Variants in CSMD1 observed in about 807,000 individuals in gnomAD.
CSMD1 encodes the protein CUB and Sushi multiple domains 1, also known as CUB and sushi domain-containing protein 1.
Under a neutral mutation model 417.5 loss-of-function variants are expected in CSMD1, and 213 were observed. That is an observed-to-expected ratio of 0.51 (90% CI 0.46 to 0.57). CSMD1 has a LOEUF of 0.57. CSMD1 is among the 20% of genes least tolerant of loss of function. The pLI, the probability that CSMD1 is intolerant of heterozygous loss-of-function variation, is 0.00. For missense variants in CSMD1, 6,923 were observed against 4,529.7 expected (o/e 1.53, Z -15.17); for synonymous variants, 2,862 against 1,736.8 (o/e 1.65, Z -16.11).
intron 10 of CSMD1, among the ~76,000 whole-genome samples, chr8:3,566,788 G>C (rs1269132402): frequency 2.0e-5 from 3 of 152,302 alleles, no homozygotes; most frequent in Middle Eastern, 3.4e-3. Context: ...ACAGATGCTG[G>C]TGAGGTTGTG....
intron 1 of CSMD1, among the ~76,000 whole-genome samples, chr8:4,731,723 G>A (rs1809883812): frequency 6.6e-6 from 1 of 152,132 alleles, no homozygotes; most frequent in Non-Finnish European, 1.5e-5. Context: ...CGAGGACCCA[G>A]GAACAGCAGC....
chr8:3,731,993 G>A (rs1796293102), intron 6 of CSMD1, among the ~76,000 whole-genome samples: 1 of 152,134 alleles, frequency 6.6e-6, no homozygotes, highest in East Asian at 1.9e-4. Flanking sequence ...TTAAAGAACA[G>A]CAGCAACATT....
intron 1 of CSMD1, among the ~76,000 whole-genome samples, chr8:4,656,532 T>C (rs1203087835): frequency 2.6e-5 from 4 of 152,018 alleles, no homozygotes; most frequent in African/African-American, 9.7e-5. Flanking sequence ...CAACTTTGGG[T>C]TTGTTCAAAT....
chr8:3,829,865 A>G (rs1038020050), intron 5 of CSMD1, among the ~76,000 whole-genome samples: 1 of 152,318 alleles, frequency 6.6e-6, no homozygotes, highest in South Asian at 2.1e-4. Context: ...ATCCGCTTAG[A>G]AAACACTGTT....
chr8:3,904,794 GC>G (rs1213153185), intron 5 of CSMD1, among the ~76,000 whole-genome samples: 1 of 151,744 alleles, frequency 6.6e-6, no homozygotes, highest in Non-Finnish European at 1.5e-5. Flanking sequence ...GCATCACCAT[GC>G]CCAGGTAATT....
chr8:3,656,454 G>T (rs1054215214), intron 7 of CSMD1, among the ~76,000 whole-genome samples: 8 of 152,096 alleles, frequency 5.3e-5, no homozygotes, highest in African/African-American at 1.9e-4. Flanking sequence ...GTGAAAAGAT[G>T]GTGTTTGGTG....
intron 3 of CSMD1, among the ~76,000 whole-genome samples, chr8:4,133,169 C>T (rs1188536723): frequency 6.6e-6 from 1 of 152,138 alleles, no homozygotes; most frequent in Non-Finnish European, 1.5e-5. Context: ...AACTCCTGGC[C>T]TTGTGATCTG....
intron 5 of CSMD1, among the ~76,000 whole-genome samples, chr8:3,996,659 G>T (rs1815246578): frequency 6.6e-6 from 1 of 152,140 alleles, no homozygotes; most frequent in African/African-American, 2.4e-5. Flanking sequence ...ACATTAAGCA[G>T]ATTGGTCCTG....
intron 41 of CSMD1, among the ~76,000 whole-genome samples, chr8:3,131,845 G>T (rs1195900118): frequency 6.6e-6 from 1 of 151,968 alleles, no homozygotes; most frequent in Non-Finnish European, 1.5e-5. Context: ...AAAGCTTAAG[G>T]GGAAAAATAC....
intron 49 of CSMD1, among the ~76,000 whole-genome samples, chr8:3,074,390 A>AC (rs879626921): frequency 5.3e-5 from 8 of 151,858 alleles, no homozygotes; most frequent in African/African-American, 1.5e-4. Flanking sequence ...GGTCCACCGC[A>AC]CCCCCAGGTC....
At chr8:3,484,927 G>A (rs929373169) in intron 11 of CSMD1, among the ~76,000 whole-genome samples, 4 of 152,076 alleles carry the variant, frequency 2.6e-5, no homozygotes, top group Non-Finnish European at 5.9e-5. Context: ...ACCAATTGTG[G>A]GGACGGCGTG....
chr8:3,250,910 A>G (rs182494123), intron 26 of CSMD1, among the ~76,000 whole-genome samples: 3 of 151,968 alleles, frequency 2.0e-5, no homozygotes, highest in Admixed American at 2.0e-4. Flanking sequence ...TGATGGGGTT[A>G]TTTGTTTTTT....
chr8:3,420,880 C>A (rs1014909347), intron 12 of CSMD1, among the ~76,000 whole-genome samples: 1 of 151,886 alleles, frequency 6.6e-6, no homozygotes, highest in Non-Finnish European at 1.5e-5. Context: ...AAATGCTTCC[C>A]ATGATTGAGA....
At chr8:4,251,893 G>A (rs905765) in intron 3 of CSMD1, among the ~76,000 whole-genome samples, 1 of 147,048 alleles carries the variant, frequency 6.8e-6, no homozygotes, top group South Asian at 2.2e-4. Context: ...GGGAAGGGAG[G>A]GGAGGGGAGG....
At chr8:3,764,864 A>C (rs1411857244) in intron 5 of CSMD1, among the ~76,000 whole-genome samples, 1 of 151,296 alleles carries the variant, frequency 6.6e-6, no homozygotes, top group Non-Finnish European at 1.5e-5. Context: ...CTCATGCCTC[A>C]GCCTCCCAAG....
At chr8:4,309,000 G>A (rs10503250) in intron 3 of CSMD1, among the ~76,000 whole-genome samples, 96,296 of 151,982 alleles carry the variant, frequency 0.63, 31,489 homozygotes, top group East Asian at 0.86. Context: ...CTAAAACTAG[G>A]TGAGAAAATG....
intron 7 of CSMD1, among the ~76,000 whole-genome samples, chr8:3,666,789 G>A (rs910546510): frequency 2.6e-5 from 4 of 152,142 alleles, no homozygotes; most frequent in Non-Finnish European, 4.4e-5. Context: ...CTTCCATCAT[G>A]ATTGTGAGGC....
intron 1 of CSMD1, among the ~76,000 whole-genome samples, chr8:4,957,517 C>G (rs1224176516): frequency 6.6e-6 from 1 of 152,120 alleles, no homozygotes; most frequent in East Asian, 1.9e-4. Context: ...TTCTTATCAA[C>G]TTTTCTGAAG....
intron 26 of CSMD1, among the ~76,000 whole-genome samples, chr8:3,242,076 A>C (rs71502917): frequency 3.1e-5 from 4 of 128,380 alleles, no homozygotes; most frequent in African/African-American, 5.8e-5. Flanking sequence ...GAGCCTAAAC[A>C]CTATCTGATT....
Sources: gnomAD v4.1 joint callset for allele counts (sites outside exome capture counted in the v4.1 genomes callset) on GRCh38, gnomAD v4.1.1 for gene constraint, MANE v1.5 for transcripts, NCBI Gene and HGNC (gene_info 2026-07-23, HGNC 2026-07-21) for gene names.